CLEC16A: variants seen among roughly 807,000 people sequenced by gnomAD.
The protein encoded by CLEC16A is protein CLEC16A.
Under a neutral mutation model 109.5 loss-of-function variants are expected in CLEC16A, and 51 were observed. The ratio of observed to expected loss-of-function variants is 0.47; its 90% CI spans 0.37 to 0.59. The LOEUF (loss-of-function observed/expected upper bound fraction) is 0.59. Ranked by LOEUF, CLEC16A falls within the 20% of genes least tolerant of loss-of-function variation. The pLI, the probability that CLEC16A is intolerant of heterozygous loss-of-function variation, is 0.00. For missense variants in CLEC16A, 1,339 were observed against 1,394.0 expected, an observed-to-expected ratio of 0.96 and a Z score of 0.63; for synonymous variants, 673 against 564.2, an observed-to-expected ratio of 1.19 and a Z score of -2.73.
At chr16:11,158,469 A>C (rs1341061442) in intron 22 of CLEC16A, among the ~76,000 whole-genome samples, 4 of 152,196 alleles carry the variant, frequency 2.6e-5, no homozygotes, top group African/African-American at 9.7e-5. Context: ...CAAATCTTAG[A>C]GCTTTTTCCT....
intron 18 of CLEC16A, among the ~76,000 whole-genome samples, chr16:11,060,548 T>C (rs1390842797): frequency 6.6e-6 from 1 of 152,198 alleles, no homozygotes; most frequent in Non-Finnish European, 1.5e-5. Context: ...CTTCACCTTC[T>C]TAGGTCTCAG....
At chr16:11,136,936 C>T (rs950007417) in intron 22 of CLEC16A, among the ~76,000 whole-genome samples, 2 of 152,226 alleles carry the variant, frequency 1.3e-5, no homozygotes, top group African/African-American at 2.4e-5. Context: ...CACAAGTGGC[C>T]AGCCAGGGCT....
intron 22 of CLEC16A, among the ~76,000 whole-genome samples, chr16:11,148,841 G>A (rs1283537572): frequency 6.6e-6 from 1 of 152,216 alleles, no homozygotes; most frequent in Non-Finnish European, 1.5e-5. Flanking sequence ...TGTGACAGGT[G>A]ATGTGCGCTT....
At chr16:11,114,188 A>T (rs1323992399) in intron 19 of CLEC16A, among the ~76,000 whole-genome samples, 1 of 132,320 alleles carries the variant, frequency 7.6e-6, no homozygotes, top group Admixed American at 7.8e-5. Flanking sequence ...TTTATTGGCA[A>T]TCCCCATTCC....
intron 19 of CLEC16A, among the ~76,000 whole-genome samples, chr16:11,075,412 CTGTGTGTGTGTGTGTA>C (rs1345546308): frequency 2.7e-4 from 33 of 120,616 alleles, no homozygotes; most frequent in African/African-American, 8.2e-4. Flanking sequence ...GTGTGTGTGT[CTGTGTGTGTGTGTGTA>C]TGTGTGTGTG....
At chr16:11,033,802 G>C (rs1320275354) in intron 13 of CLEC16A, among the ~76,000 whole-genome samples, 1 of 152,218 alleles carries the variant, frequency 6.6e-6, no homozygotes, top group Non-Finnish European at 1.5e-5. Context: ...ACAGTGGAAA[G>C]GGTTGACCGG....
chr16:10,955,090 C>G (rs896958424), intron 1 of CLEC16A, among the ~76,000 whole-genome samples: 4 of 152,124 alleles, frequency 2.6e-5, no homozygotes, highest in African/African-American at 9.7e-5. Flanking sequence ...AGAGGTGAAG[C>G]GCCTTGTCCA....
intron 21 of CLEC16A, 68 bp from the exon 22 acceptor site, chr16:11,125,911 C>G (rs1249335204): frequency 5.5e-5 from 12 of 217,592 alleles, no homozygotes; most frequent in South Asian, 4.0e-4. Context: ...ATGTCCCCCC[C>G]CCCAAATTCT....
intron 22 of CLEC16A, among the ~76,000 whole-genome samples, chr16:11,158,243 G>A (rs1318500670): frequency 3.9e-5 from 6 of 152,186 alleles, no homozygotes; most frequent in South Asian, 2.1e-4. Flanking sequence ...ACACTGCATC[G>A]TCAGAAACCT....
intron 8 of CLEC16A, among the ~76,000 whole-genome samples, chr16:10,978,086 G>C (rs1243079933): frequency 1.3e-5 from 2 of 152,234 alleles, no homozygotes; most frequent in African/African-American, 2.4e-5. Context: ...GACAGAACTT[G>C]CGCAGCATGG....
At chr16:11,115,479 C>T (rs1238071855) in intron 19 of CLEC16A, among the ~76,000 whole-genome samples, 2 of 152,082 alleles carry the variant, frequency 1.3e-5, no homozygotes, top group South Asian at 2.1e-4. Flanking sequence ...CTCAAGTGAT[C>T]CTCCTGCCTC....
intron 13 of CLEC16A, among the ~76,000 whole-genome samples, chr16:11,037,987 A>C (rs1343422221): frequency 6.6e-6 from 1 of 152,116 alleles, no homozygotes; most frequent in African/African-American, 2.4e-5. Context: ...AGAAGCCACA[A>C]ATTAAATTTT....
intron 19 of CLEC16A, among the ~76,000 whole-genome samples, chr16:11,086,911 C>T (rs2050043198): frequency 6.6e-6 from 1 of 152,226 alleles, no homozygotes. Flanking sequence ...AGTTCTGTGT[C>T]TGGGCACCAG....
At chr16:10,972,821 A>G in intron 6 of CLEC16A, 117 bp from the exon 7 acceptor site, 1 of 1,085,724 alleles carries the variant, frequency 9.2e-7, no homozygotes, top group Non-Finnish European at 1.3e-6. Context: ...TTCAGATTAT[A>G]GCAGAGGGCT....
chr16:11,027,169 T>G, intron 13 of CLEC16A: 1 of 1,406,486 alleles, frequency 7.1e-7, no homozygotes, highest in Non-Finnish European at 9.9e-7. Context: ...GGGCTCAGGT[T>G]TAAGCTACTG....
chr16:11,057,488 C>T (rs888615258), intron 18 of CLEC16A, among the ~76,000 whole-genome samples: 23 of 152,346 alleles, frequency 1.5e-4, no homozygotes, highest in African/African-American at 5.0e-4. Flanking sequence ...AGCCACCCAC[C>T]TTCCCCTGCT....
intron 19 of CLEC16A, among the ~76,000 whole-genome samples, chr16:11,102,937 C>T (rs554464580): frequency 6.6e-5 from 10 of 152,348 alleles, no homozygotes; most frequent in East Asian, 5.8e-4. Flanking sequence ...AGCCGAGGTC[C>T]CACACTGGTA....
chr16:10,960,295 C>T (rs1482949587), intron 2 of CLEC16A, among the ~76,000 whole-genome samples: 1 of 152,110 alleles, frequency 6.6e-6, no homozygotes, highest in African/African-American at 2.4e-5. Flanking sequence ...GTCGTATATC[C>T]CCAGCCTCTG....
At chr16:11,057,236 C>T (rs1455176525) in intron 18 of CLEC16A, among the ~76,000 whole-genome samples, 1 of 152,224 alleles carries the variant, frequency 6.6e-6, no homozygotes, top group Non-Finnish European at 1.5e-5. Flanking sequence ...AGCTACATGG[C>T]CTCAGTGGGC....
Sources: gnomAD v4.1 joint callset for allele counts (sites outside exome capture counted in the v4.1 genomes callset) on GRCh38, gnomAD v4.1.1 for gene constraint, MANE v1.5 for transcripts, NCBI Gene and HGNC (gene_info 2026-07-23, HGNC 2026-07-21) for gene names.